The following TBCK variants were observed in gnomAD, a reference collection of about 807,000 sequenced individuals.
The protein encoded by TBCK is TBC1 domain containing kinase, also known as TBC domain-containing protein kinase-like protein.
In TBCK, 99 loss-of-function variants were observed where a neutral mutation model predicts 113.4. The ratio of observed to expected loss-of-function variants is 0.87; its 90% CI spans 0.74 to 1.03. The LOEUF is 1.03. TBCK is among the 50% of genes least tolerant of loss of function. TBCK has a pLI of 0.00. For synonymous variants in TBCK, 369 were observed against 370.8 expected (o/e 1.00, Z 0.05); for missense variants, 1,045 against 1,061.3 (o/e 0.98, Z 0.21).
At chr4:106,296,441 A>G (rs1289307511) in intron 2 of TBCK, among the ~76,000 whole-genome samples, 1 of 152,182 alleles carries the variant, frequency 6.6e-6, no homozygotes, top group Non-Finnish European at 1.5e-5. Flanking sequence ...TAGCCAAGGT[A>G]GAAAAAAGAG....
chr4:106,130,591 C>T (rs1218723073), intron 23 of TBCK, among the ~76,000 whole-genome samples: 2 of 107,884 alleles, frequency 1.9e-5, no homozygotes, highest in African/African-American at 7.5e-5. Flanking sequence ...GCGCTAAATA[C>T]ACACACACAC....
intron 9 of TBCK, 179 bp from the exon 10 acceptor site, chr4:106,247,466 G>T: frequency 1.9e-6 from 1 of 527,698 alleles, no homozygotes; most frequent in South Asian, 2.8e-5. Context: ...ATAACTGTGA[G>T]TAAATACTGA....
rs559818319 is a variant in TBCK at position 106,129,405 on chromosome 4, C to G, written c.2236-13027G>C. On this transcript the variant is annotated intron_variant, in intron 23 of 25. Transcript: ENST00000394708. ...AACATGCGGTGTTTGGTTTTCTGTTCCTGCGTTAGTTTGCTGAGGATAATG... is the reference window on the plus strand; with the variant it reads ...AACATGCGGTGTTTGGTTTTCTGTTGCTGCGTTAGTTTGCTGAGGATAATG... Among the ~76,000 whole-genome samples the G allele has an allele frequency of 8.5e-5, 13 of 152,204 alleles. No individual in the cohort carries two copies. In the South Asian group the frequency reaches 2.7e-3, roughly 32 times the overall value.
chr4:106,236,719 G>C, intron 13 of TBCK, 40 bp downstream of exon 13: 1 of 1,209,384 alleles, frequency 8.3e-7, no homozygotes, highest in Non-Finnish European at 1.1e-6. Context: ...AATATAAATA[G>C]AAAGAAAAAT....
At chr4:106,148,161 A>G (rs1748048753) in intron 23 of TBCK, among the ~76,000 whole-genome samples, 3 of 152,220 alleles carry the variant, frequency 2.0e-5, no homozygotes, top group Admixed American at 6.5e-5. Context: ...CCGAAACTTC[A>G]TTAGCAATTT....
intron 3 of TBCK, among the ~76,000 whole-genome samples, chr4:106,292,288 T>G (rs763836302): frequency 1.8e-4 from 28 of 152,058 alleles, no homozygotes; most frequent in Non-Finnish European, 3.4e-4. Context: ...GTATATGCCC[T>G]TGGCTGGGCG....
chr4:106,264,870 A>T (rs982618873), intron 3 of TBCK, among the ~76,000 whole-genome samples: 2 of 151,956 alleles, frequency 1.3e-5, no homozygotes, highest in African/African-American at 4.8e-5. Flanking sequence ...ATCTGAAAAT[A>T]TCTTATTCTT....
intron 23 of TBCK, among the ~76,000 whole-genome samples, chr4:106,121,520 A>G (rs1362581377): frequency 2.6e-5 from 4 of 151,432 alleles, no homozygotes; most frequent in South Asian, 2.1e-4. Context: ...TGCACCAAGC[A>G]GACCTAATAG....
intron 5 of TBCK, among the ~76,000 whole-genome samples, chr4:106,255,204 G>A (rs1761853503): frequency 6.6e-6 from 1 of 152,132 alleles, no homozygotes; most frequent in Non-Finnish European, 1.5e-5. Context: ...TTTCCATAAA[G>A]GAACATATCA....
At chr4:106,221,555 A>G (rs1158106460) in intron 19 of TBCK, among the ~76,000 whole-genome samples, 4 of 152,138 alleles carry the variant, frequency 2.6e-5, no homozygotes, top group Non-Finnish European at 4.4e-5. Flanking sequence ...TGCACTATGT[A>G]ATATTCTCAG....
At chr4:106,144,879 C>T (rs965308028) in intron 23 of TBCK, among the ~76,000 whole-genome samples, 1 of 151,870 alleles carries the variant, frequency 6.6e-6, no homozygotes, top group African/African-American at 2.4e-5. Flanking sequence ...CAAAATTAGC[C>T]AGGCATGGTG....
At chr4:106,097,292 G>T (rs1304558859) in intron 24 of TBCK, among the ~76,000 whole-genome samples, 3 of 152,080 alleles carry the variant, frequency 2.0e-5, no homozygotes, top group Non-Finnish European at 2.9e-5. Context: ...AGGCACAAAA[G>T]AAACAGAGTT....
At chr4:106,219,897 A>T (rs1158943717) in intron 19 of TBCK, among the ~76,000 whole-genome samples, 1 of 152,212 alleles carries the variant, frequency 6.6e-6, no homozygotes, top group Non-Finnish European at 1.5e-5. Context: ...TTTCTCCTAC[A>T]GTAAAGTAAC....
At chr4:106,265,613 T>C (rs1321828438) in intron 3 of TBCK, among the ~76,000 whole-genome samples, 1 of 151,762 alleles carries the variant, frequency 6.6e-6, no homozygotes, top group Non-Finnish European at 1.5e-5. Context: ...GCATTTCTAT[T>C]ATGTCCTCTA....
At chr4:106,212,705 T>A in intron 20 of TBCK, 45 bp downstream of exon 20, 8 of 474,172 alleles carry the variant, frequency 1.7e-5, no homozygotes, top group Non-Finnish European at 2.5e-5. Context: ...TAATTTCTGC[T>A]TTTTTTTTTT....
rs1325048602 is a variant in TBCK at position 106,291,726 on chromosome 4, T to C, written c.266+3368A>G. Among the ~76,000 whole-genome samples, 4 of 152,320 alleles carry C rather than the reference T, an allele frequency of 2.6e-5. No individual in the cohort carries two copies. The South Asian group carries it at 8.3e-4, about 32-fold the overall frequency. ...AGAAGCCCTTTACTATCGGTGAAGA[T>C]TTGATCCTGCCTGCTGCTAAAGACA... On this transcript the variant is annotated intron_variant, in intron 3 of 25. Transcript: ENST00000394708.
rs142581098 is a variant in TBCK at position 106,208,154 on chromosome 4, C to G, written c.1860+4596G>C. On this transcript the variant is annotated intron_variant, in intron 20 of 25. Coordinates refer to ENST00000394708, the MANE Select transcript of TBCK (RefSeq NM_001163435.3). Reference sequence around the variant, plus strand: ...TGTCTCTGAAGACTAATCACACTACCATTGATAGCAGCAGGAGGCAGAAAA... The same window carrying G: ...TGTCTCTGAAGACTAATCACACTACGATTGATAGCAGCAGGAGGCAGAAAA... Among the ~76,000 whole-genome samples, 677 of 152,252 alleles carry G rather than the reference C, an allele frequency of 4.4e-3. 1 individual carries two copies. Among genetic ancestry groups the G allele is most frequent in the Non-Finnish European group, 7.8e-3 (532 of 68,018 alleles).
chr4:106,252,597 T>G (rs1296025551), intron 5 of TBCK, among the ~76,000 whole-genome samples: 1 of 152,092 alleles, frequency 6.6e-6, no homozygotes, highest in Non-Finnish European at 1.5e-5. Flanking sequence ...AACACAAGTA[T>G]AGAGTTTCCT....
At chr4:106,094,604 C>T (rs2149517083) in intron 25 of TBCK, among the ~76,000 whole-genome samples, 2 of 152,302 alleles carry the variant, frequency 1.3e-5, no homozygotes, top group East Asian at 3.9e-4. Flanking sequence ...AATATTTTGT[C>T]TCCACTCCTG....
Sources: allele counts gnomAD v4.1 joint callset (sites outside exome capture counted in the v4.1 genomes callset), GRCh38; gene constraint gnomAD v4.1.1; transcripts MANE v1.5; gene names NCBI Gene and HGNC (gene_info 2026-07-23, HGNC 2026-07-21).